Variants in TMEM8B observed in about 807,000 individuals in gnomAD.
TMEM8B encodes the protein transmembrane protein 8B, also known as nasopharyngeal carcinoma expressed 6.
TMEM8B carries 29 observed loss-of-function variants against 49.3 expected under a neutral mutation model. The ratio of observed to expected loss-of-function variants is 0.59; its 90% CI spans 0.44 to 0.80. TMEM8B has a LOEUF of 0.80. Ranked by LOEUF, TMEM8B falls within the 30% of genes least tolerant of loss-of-function variation. TMEM8B has a pLI of 0.00. For synonymous variants in TMEM8B, 264 were observed against 272.8 expected (o/e 0.97, Z 0.32); for missense variants, 575 against 658.5 (o/e 0.87, Z 1.39).
rs995876685 is a variant in TMEM8B at position 35,833,450 on chromosome 9, C to T, written c.509-1011C>T. 5 of 783,754 alleles carry T rather than the reference C, an allele frequency of 6.4e-6. No homozygotes were observed. In the African/African-American group the frequency reaches 9.4e-5, roughly 15 times the overall value. 48.5% of individuals were successfully genotyped at this position (783,754 alleles called of 1,614,324 possible). A position where few individuals can be genotyped will look rare whatever the true frequency, so the allele number is the denominator to read the frequency against. Reference sequence around the variant, plus strand: ...GCCATTTGGGACCCTCTTCCCCTGTCTGCTACTGGTTGCCTCCACTGTGAC... The same window carrying T: ...GCCATTTGGGACCCTCTTCCCCTGTTTGCTACTGGTTGCCTCCACTGTGAC... On this transcript the variant is annotated intron_variant, in intron 1 of 12. Coordinates refer to ENST00000643932, the MANE Select transcript of TMEM8B (RefSeq NM_001042590.4).
chr9:35,846,145 G>C, intron 7 of TMEM8B, 77 bp downstream of exon 7: 1 of 1,608,432 alleles, frequency 6.2e-7, no homozygotes, highest in African/African-American at 1.3e-5. Context: ...AGGTGGGGAG[G>C]GATGGAATGG....
Position 35,834,445 on chromosome 9 carries a change from C to A in TMEM8B, c.509-16C>A. On this transcript the variant is annotated splice_polypyrimidine_tract_variant and intron_variant, in intron 1 of 12. Coordinates refer to ENST00000643932, the MANE Select transcript of TMEM8B (RefSeq NM_001042590.4). Reference sequence around the variant, plus strand: ...TCTGTCCTGCCCTGCTCCTTTCTCTCTCTCCTGCTTCCCAGGAGGCCTTTT... The same window carrying A: ...TCTGTCCTGCCCTGCTCCTTTCTCTATCTCCTGCTTCCCAGGAGGCCTTTT... 2.4e-6 allele frequency: 1 copy of A among 414,936 alleles called. No homozygotes were observed. Among genetic ancestry groups the A allele is most frequent in the South Asian group, 1.3e-4 (1 of 7,878 alleles). The allele number at this position is 414,936 out of a possible 1,614,324, so 25.7% of individuals were successfully genotyped here. A position where few individuals can be genotyped will look rare whatever the true frequency, so the allele number is the denominator to read the frequency against.
At position 35,859,700 on chromosome 9, in the gene TMEM8B, A is replaced by G. The variant is rs1009207861; in HGVS notation, c.*5860A>G. ...TCAGGTACATCTGCAGGGCACAGCC[A>G]GGGAAGGAAATGGTCCTCTGGGTTT... is the stretch of plus-strand genomic sequence containing the variant. On this transcript the variant is annotated 3_prime_UTR_variant, in exon 13 of 13. Transcript: ENST00000643932. 2 of 156,836 alleles carry G rather than the reference A, an allele frequency of 1.3e-5. No homozygotes were observed. Among genetic ancestry groups the G allele is most frequent in the African/African-American group, 4.8e-5 (2 of 41,486 alleles). The allele number at this position is 156,836 out of a possible 1,614,324, so 9.7% of individuals were successfully genotyped here.
rs960141369 is a variant in TMEM8B, at chr9:35,860,007, A to G, written c.*6167A>G. On this transcript the variant is annotated 3_prime_UTR_variant, in exon 13 of 13. Coordinates refer to ENST00000643932, the MANE Select transcript of TMEM8B (RefSeq NM_001042590.4). Reference sequence around the variant, plus strand: ...TCATTCTCTCTCCTTTTCCATCTGGACCACCCAGCTTTTTGGAAAAAGCTC... The same window carrying G: ...TCATTCTCTCTCCTTTTCCATCTGGGCCACCCAGCTTTTTGGAAAAAGCTC... 1.3e-5 allele frequency: 2 copies of G among 152,206 alleles called. No individual in the cohort carries two copies. Among genetic ancestry groups the G allele is most frequent in the Non-Finnish European group, 2.9e-5 (2 of 68,038 alleles). The allele number at this position is 152,206 out of a possible 1,614,324, so 9.4% of individuals were successfully genotyped here. A position where few individuals can be genotyped will look rare whatever the true frequency, so the allele number is the denominator to read the frequency against.
rs1361103457 is a variant in TMEM8B at position 35,857,862 on chromosome 9, A to G, written c.*4022A>G. 6.6e-6 allele frequency: 1 copy of G among 152,210 alleles called. No homozygotes were observed. Among genetic ancestry groups the G allele is most frequent in the Non-Finnish European group, 1.5e-5 (1 of 68,044 alleles). 9.4% of individuals were successfully genotyped at this position (152,210 alleles called of 1,614,324 possible). On this transcript the variant is annotated 3_prime_UTR_variant, in exon 13 of 13. Transcript: ENST00000643932. Reference sequence around the variant, plus strand: ...GTGAAGTGAGGGGCAGTAAGGGCACACTAGAATCCAGAAGGACAAACTGGA... The same window carrying G: ...GTGAAGTGAGGGGCAGTAAGGGCACGCTAGAATCCAGAAGGACAAACTGGA...
intron 2 of TMEM8B, 23 bp downstream of exon 2, chr9:35,834,673 C>T (rs940884357): frequency 9.6e-6 from 4 of 415,552 alleles, no homozygotes; most frequent in Non-Finnish European, 1.3e-5. Flanking sequence ...GTTAATTTCC[C>T]AACCCCACTT....
At chr9:35,848,098 A>G (rs1463328814) in intron 10 of TMEM8B, among the ~76,000 whole-genome samples, 1 of 152,232 alleles carries the variant, frequency 6.6e-6, no homozygotes, top group Non-Finnish European at 1.5e-5. Context: ...TAGAAAAATC[A>G]TAGTTCTCAT....
In TMEM8B at chr9:35,846,348, T is replaced by C. The variant is rs1000664807; in HGVS notation, c.1820T>C (p.Leu607Pro). 3 of 1,613,936 alleles carry C rather than the reference T, an allele frequency of 1.9e-6. No homozygotes were observed. Among genetic ancestry groups the C allele is most frequent in the Non-Finnish European group, 2.5e-6 (3 of 1,180,026 alleles). ...TTCCCGCAGACGGGGACCTGGTTCC[T>C]GGCCCTCCGCTCCCTGTGCGGGGTG... ...IPFPQTGTWF[L>P]ALRSLCGVGP... is the part of the protein sequence containing the mutation. Residue 607 changes from leucine (L) to proline (P), a missense_variant, in exon 8 of 13, where the codon CTG becomes CCG. Leu to Pro is a moderately conservative substitution (Grantham distance 98, BLOSUM62 -3). Coordinates refer to ENST00000643932, the MANE Select transcript of TMEM8B (RefSeq NM_001042590.4).
At position 35,840,180 on chromosome 9, in the gene TMEM8B, G is replaced by T. The variant is rs570252844; in HGVS notation, c.907-954G>T. On this transcript the variant is annotated intron_variant, in intron 3 of 12. Transcript: ENST00000643932. ...GTGATGAGGCTCTGCGAGCCATGGG[G>T]TGTCAACAGAGAAGGAGCTGGGGAT... Among the ~76,000 whole-genome samples, 416 of 152,352 alleles carry T rather than the reference G, an allele frequency of 2.7e-3. 3 individuals are homozygous for T. Among genetic ancestry groups the T allele is most frequent in the Non-Finnish European group, 4.2e-3 (287 of 68,040 alleles).
In TMEM8B at chr9:35,856,919, T is replaced by C. The variant is rs546417603; in HGVS notation, c.*3079T>C. Reference sequence around the variant, plus strand: ...GCCAGCAATATGACAGTGCTGGACGTAGCCGCTGAACCAGGCCTGTCTCCA... The same window carrying C: ...GCCAGCAATATGACAGTGCTGGACGCAGCCGCTGAACCAGGCCTGTCTCCA... On this transcript the variant is annotated 3_prime_UTR_variant, in exon 13 of 13. Transcript: ENST00000643932. 1.3e-5 allele frequency: 2 copies of C among 152,334 alleles called. No homozygotes were observed. Among genetic ancestry groups the C allele is most frequent in the South Asian group, 4.1e-4 (2 of 4,820 alleles). 9.4% of individuals were successfully genotyped at this position (152,334 alleles called of 1,614,324 possible). A position where few individuals can be genotyped will look rare whatever the true frequency, so the allele number is the denominator to read the frequency against.
At position 35,842,968 on chromosome 9, in the gene TMEM8B, C is replaced by T. The variant is rs1016467038; in HGVS notation, c.1635+251C>T. Among the ~76,000 whole-genome samples, 27 of 152,218 alleles carry T rather than the reference C, an allele frequency of 1.8e-4. No homozygotes were observed. Among genetic ancestry groups the T allele is most frequent in the African/African-American group, 6.5e-4 (27 of 41,448 alleles). On this transcript the variant is annotated intron_variant, in intron 6 of 12. Transcript: ENST00000643932. The surrounding 1 kb of genome is among the most constrained non-coding windows in gnomAD (Gnocchi z 5.6). ...TTTCCCAGTTTTGTAGGCTCACTTC[C>T]TGCTCATTACTGGCCTTTCACTACG...
In TMEM8B at chr9:35,836,871, G is replaced by T. The variant is rs367877903; in HGVS notation, c.906+1653G>T. Reference sequence around the variant, plus strand: ...ACGAGTGGCAGTGGGTCTGGACGCCGTGAGAGATGTAGTGCTTCCATCAGC... The same window carrying T: ...ACGAGTGGCAGTGGGTCTGGACGCCTTGAGAGATGTAGTGCTTCCATCAGC... On this transcript the variant is annotated intron_variant, in intron 3 of 12. Transcript: ENST00000643932. Among the ~76,000 whole-genome samples, 3 of 152,288 alleles carry T rather than the reference G, an allele frequency of 2.0e-5. No homozygotes were observed. The South Asian group carries it at 6.2e-4, about 32-fold the overall frequency.
At chr9:35,845,250 G>T in intron 6 of TMEM8B, 1 of 262,660 alleles carries the variant, frequency 3.8e-6, no homozygotes, top group Non-Finnish European at 5.9e-6. Flanking sequence ...TTGGTTGCTT[G>T]GAAGGCAGTA....
In TMEM8B at chr9:35,862,224, T is replaced by C. The variant is rs1832665929; in HGVS notation, c.*8384T>C. 1 of 152,242 alleles carries C rather than the reference T, an allele frequency of 6.6e-6. No homozygotes were observed. Among genetic ancestry groups the C allele is most frequent in the Non-Finnish European group, 1.5e-5 (1 of 68,058 alleles). The allele number at this position is 152,242 out of a possible 1,614,324, so 9.4% of individuals were successfully genotyped here. A position where few individuals can be genotyped will look rare whatever the true frequency, so the allele number is the denominator to read the frequency against. On this transcript the variant is annotated 3_prime_UTR_variant, in exon 13 of 13. Transcript: ENST00000643932. ...AGTTTGCAGTCATTCATTCACTCAC[T>C]CGGTGACTTTGGACACCTCCCCCTC...
Position 35,846,882 on chromosome 9 carries a change from A to C in TMEM8B, c.2062A>C (p.Thr688Pro). 3.1e-6 allele frequency: 5 copies of C among 1,614,164 alleles called. No individual in the cohort carries two copies. The highest frequency in any genetic ancestry group is 4.2e-6 in the Non-Finnish European group (5 of 1,180,030). ...CACCTATGGATTCCAGCTGCTGTCCACACTCCTGCTCTGCCTGAGCAACCT... is the reference window on the plus strand; with the variant it reads ...CACCTATGGATTCCAGCTGCTGTCCCCACTCCTGCTCTGCCTGAGCAACCT... ...ALTYGFQLLS[T>P]LLLCLSNLMF... The change falls in exon 10 of 13, where the codon ACA becomes CCA. Residue 688 changes from threonine to proline, a missense_variant. Thr to Pro is a conservative substitution (Grantham distance 38). Coordinates refer to ENST00000643932, the MANE Select transcript of TMEM8B (RefSeq NM_001042590.4).
Position 35,846,936 on chromosome 9 carries a change from A to T in TMEM8B, c.2116A>T (p.Ile706Phe). Reference protein sequence around the residue: ...LMFLPPVVLAIRSRYVLEAAV... With the variant: ...LMFLPPVVLAFRSRYVLEAAV... ...GTTTCTGCCACCTGTGGTCCTGGCC[A>T]TTCGGAGTCGATATGTGCTGGAAGC... The change falls in exon 10 of 13, where the codon ATT becomes TTT. Residue 706 changes from isoleucine (I) to phenylalanine (F), a missense_variant. Coordinates refer to ENST00000643932, the MANE Select transcript of TMEM8B (RefSeq NM_001042590.4). 6 of 1,614,240 alleles carry T rather than the reference A, an allele frequency of 3.7e-6. No homozygotes were observed.
chr9:35,858,102 TTC>T lies in TMEM8B; in HGVS notation c.*4264_*4265del. The T allele has an allele frequency of 9.4e-6, 1 of 105,902 alleles. No homozygotes were observed. The highest frequency in any genetic ancestry group is 2.1e-5 in the Non-Finnish European group (1 of 46,516). The allele number at this position is 105,902 out of a possible 1,614,324, so 6.6% of individuals were successfully genotyped here. A position where few individuals can be genotyped will look rare whatever the true frequency, so the allele number is the denominator to read the frequency against. Reference sequence around the variant, plus strand: ...TCTGGTGCTGTTCCATTTTTTTTCTTTCTTTCTTTTTTTTTTTTTTGAGACGG... The same window carrying T: ...TCTGGTGCTGTTCCATTTTTTTTCTTTTTCTTTTTTTTTTTTTTGAGACGG... On this transcript the variant is annotated 3_prime_UTR_variant, in exon 13 of 13. Coordinates refer to ENST00000643932, the MANE Select transcript of TMEM8B (RefSeq NM_001042590.4).
At chr9:35,837,095 A>C (rs1025877974) in intron 3 of TMEM8B, among the ~76,000 whole-genome samples, 4 of 152,128 alleles carry the variant, frequency 2.6e-5, no homozygotes, top group Non-Finnish European at 5.9e-5. Context: ...CTACTATGGC[A>C]TGCTTCCTGT....
intron 3 of TMEM8B, among the ~76,000 whole-genome samples, chr9:35,837,246 C>T (rs1830525604): frequency 6.6e-6 from 1 of 152,112 alleles, no homozygotes; most frequent in African/African-American, 2.4e-5. Context: ...TAGCCTTAGT[C>T]CTTTAGTACC....
Sources: allele counts gnomAD v4.1 joint callset (sites outside exome capture counted in the v4.1 genomes callset), GRCh38; gene constraint gnomAD v4.1.1; non-coding constraint Gnocchi (gnomAD v3.1); transcripts MANE v1.5; gene names NCBI Gene and HGNC (gene_info 2026-07-23, HGNC 2026-07-21).